Variants in FIBP observed in about 807,000 individuals in gnomAD.
FIBP encodes FGF1 intracellular binding protein.
In FIBP, 29 loss-of-function variants were observed where a neutral mutation model predicts 40.5. The ratio of observed to expected loss-of-function variants is 0.72; its 90% confidence interval spans 0.53 to 0.98. The LOEUF is 0.98. FIBP is among the 50% of genes least tolerant of loss of function. FIBP has a pLI of 0.00. For synonymous variants in FIBP, 215 were observed against 191.1 expected, an observed-to-expected ratio of 1.13 and a Z score of -1.03; for missense variants, 411 against 470.2, an observed-to-expected ratio of 0.87 and a Z score of 1.16.
At chr11:65,886,587 A>G (rs1226426882) in intron 3 of FIBP, 165 bp from the exon 4 acceptor site, 6 of 576,548 alleles carry the variant, frequency 1.0e-5, no homozygotes, top group African/African-American at 1.9e-5. Context: ...AGTTATTAGT[A>G]CTTGTTATCA....
Position 65,888,423 on chromosome 11 carries a change from A to T in FIBP, c.-5T>A. ...GATGTCCAGCTCACTGGTCATGGCG[A>T]CGCCCGGGGCCGCAGCGCCCCGAGC... On this transcript the variant is annotated 5_prime_UTR_variant, in exon 1 of 10. Transcript: ENST00000357519. The T allele has an allele frequency of 6.4e-7, 1 of 1,561,626 alleles. No individual in the cohort carries two copies. The highest frequency in any genetic ancestry group is 8.7e-7 in the Non-Finnish European group (1 of 1,152,760).
At position 65,888,454 on chromosome 11, in the gene FIBP, C is replaced by A. The variant is rs763620358; in HGVS notation, c.-36G>T. 1.3e-5 allele frequency: 20 copies of A among 1,502,724 alleles called. No homozygotes were observed. The Admixed American group carries it at 3.7e-4, about 28-fold the overall frequency. 93.1% of individuals were successfully genotyped at this position (1,502,724 alleles called of 1,614,324 possible). On this transcript the variant is annotated 5_prime_UTR_variant, in exon 1 of 10. Transcript: ENST00000357519. ...GGGGCCGCAGCGCCCCGAGCAGGAG[C>A]GAGCACTGCTCGGGACTGGCGCGCC...
At position 65,888,076 on chromosome 11, in the gene FIBP, T is replaced by G. The variant is rs1007774881; in HGVS notation, c.142A>C (p.Thr48Pro). Residue 48 changes from threonine (T) to proline (P), a missense_variant, in exon 2 of 10, where the codon ACG becomes CCG. Coordinates refer to ENST00000357519, the MANE Select transcript of FIBP (RefSeq NM_004214.5). ...GTGTCGCTCTGCAGCACCGCTGCCG[T>G]GGCGCCAGTCTGCTCCAGGATTCCC... Reference protein sequence around the residue: ...RSGILEQTGATAAVLQSDTMD... With the variant: ...RSGILEQTGAPAAVLQSDTMD... 1 of 1,606,448 alleles carries G rather than the reference T, an allele frequency of 6.2e-7. No individual in the cohort carries two copies. The highest frequency in any genetic ancestry group is 1.3e-5 in the African/African-American group (1 of 74,862).
At position 65,884,412 on chromosome 11, in the gene FIBP, GACA is replaced by G. The variant is rs1860172968; in HGVS notation, c.981_983del (p.Val328del). 1.2e-6 allele frequency: 2 copies of G among 1,614,114 alleles called. No homozygotes were observed. Among genetic ancestry groups the G allele is most frequent in the Non-Finnish European group, 1.7e-6 (2 of 1,179,994 alleles). On this transcript the variant is annotated inframe_deletion, in exon 9 of 10. Transcript: ENST00000357519. ...CTCACCGGAAGCCATCGAGGGAGTGGACAGACGCTGAATACTGATTCAGGAAGA... is the reference window on the plus strand; with the variant it reads ...CTCACCGGAAGCCATCGAGGGAGTGGGACGCTGAATACTGATTCAGGAAGA...
Position 65,884,293 on chromosome 11 carries a change from G to A in FIBP, c.1004+99C>T, listed in dbSNP as rs576180623. 152 of 1,128,262 alleles carry A rather than the reference G, an allele frequency of 1.3e-4. No homozygotes were observed. The South Asian group carries it at 1.9e-3, about 14-fold the overall frequency. 69.9% of individuals were successfully genotyped at this position (1,128,262 alleles called of 1,614,324 possible). On this transcript the variant is annotated intron_variant, in intron 9 of 9. Coordinates refer to ENST00000357519, the MANE Select transcript of FIBP (RefSeq NM_004214.5). The stretch of plus-strand genomic sequence containing the variant: ...CCAGAGACTTTGGTCCCACCCCCAG[G>A]GTAGCAGAATGGGGAACCTTGAGTC...
chr11:65,886,944 A>G (rs1860252313), intron 3 of FIBP: 1 of 169,390 alleles, frequency 5.9e-6, no homozygotes, highest in African/African-American at 2.4e-5. Flanking sequence ...TAGAAGCAAC[A>G]TGAGTAAAGG....
intron 4 of FIBP, 86 bp from the exon 5 acceptor site, chr11:65,885,749 GA>G (rs1373036586): frequency 7.4e-7 from 1 of 1,354,424 alleles, no homozygotes; most frequent in Non-Finnish European, 1.0e-6. Flanking sequence ...CTGGGTGTCC[GA>G]GTTCTGGCCT....
At chr11:65,885,749 G>A (rs923967753) in intron 4 of FIBP, 86 bp from the exon 5 acceptor site, 121 of 1,354,420 alleles carry the variant, frequency 8.9e-5, no homozygotes, top group Non-Finnish European at 1.2e-4. Context: ...CTGGGTGTCC[G>A]AGTTCTGGCC....
rs1860267674 is a variant in FIBP at position 65,887,496 on chromosome 11, G to A, written c.411+104C>T. On this transcript the variant is annotated intron_variant, in intron 3 of 9. Transcript: ENST00000357519. ...AAAGGGGAAGGGAGGAGAAGACTAGGTATGAAGCTGCTGCCACAATCAGAG... is the reference window on the plus strand; with the variant it reads ...AAAGGGGAAGGGAGGAGAAGACTAGATATGAAGCTGCTGCCACAATCAGAG... 7.4e-6 allele frequency: 9 copies of A among 1,215,334 alleles called. No individual in the cohort carries two copies. The East Asian group carries it at 1.9e-4, about 25-fold the overall frequency. 75.3% of individuals were successfully genotyped at this position (1,215,334 alleles called of 1,614,324 possible).
intron 4 of FIBP, 131 bp downstream of exon 4, chr11:65,886,188 AAAG>A: frequency 1.9e-6 from 1 of 536,186 alleles, no homozygotes. Context: ...AAAAAAAAAA[AAAG>A]TACAGACCAA....
Position 65,883,868 on chromosome 11 carries a change from G to T in FIBP, c.*106C>A, listed in dbSNP as rs2134768580. Reference sequence around the variant, plus strand: ...CACGGACACCAGGTGCTCAGAGACAGACACAGGCACATCTGCACGCCCCCC... The same window carrying T: ...CACGGACACCAGGTGCTCAGAGACATACACAGGCACATCTGCACGCCCCCC... On this transcript the variant is annotated 3_prime_UTR_variant, in exon 10 of 10. Coordinates refer to ENST00000357519, the MANE Select transcript of FIBP (RefSeq NM_004214.5). 1 of 995,598 alleles carries T rather than the reference G, an allele frequency of 1.0e-6. No individual in the cohort carries two copies. Among genetic ancestry groups the T allele is most frequent in the South Asian group, 1.5e-5 (1 of 68,202 alleles). The allele number at this position is 995,598 out of a possible 1,614,324, so 61.7% of individuals were successfully genotyped here. A position where few individuals can be genotyped will look rare whatever the true frequency, so the allele number is the denominator to read the frequency against.
At position 65,884,660 on chromosome 11, in the gene FIBP, T is replaced by C. The variant is rs752146317; in HGVS notation, c.820-4A>G. 2 of 1,613,986 alleles carry C rather than the reference T, an allele frequency of 1.2e-6. No homozygotes were observed. The highest frequency in any genetic ancestry group is 8.5e-7 in the Non-Finnish European group (1 of 1,179,970). On this transcript the variant is annotated splice_region_variant and splice_polypyrimidine_tract_variant and intron_variant, in intron 7 of 9. Coordinates refer to ENST00000357519, the MANE Select transcript of FIBP (RefSeq NM_004214.5). The stretch of plus-strand genomic sequence containing the variant: ...TCACCAGCCCCCGGGACAGGTTCTG[T>C]GGGGCAGGGATCCTTGGAGCTCTGC...
intron 5 of FIBP, 94 bp downstream of exon 5, chr11:65,885,436 C>T: frequency 6.7e-7 from 1 of 1,491,304 alleles, no homozygotes; most frequent in Non-Finnish European, 9.1e-7. Flanking sequence ...GAGCGGATGC[C>T]AGGAACTGAG....
rs1474488376 is a variant in FIBP, at chr11:65,887,895, A to G, written c.284+39T>C. ...CAGCCGGCAAAATGGGTATACAGTCAGACTGGTTGATGTCTCCACCATCCC... is the reference window on the plus strand; with the variant it reads ...CAGCCGGCAAAATGGGTATACAGTCGGACTGGTTGATGTCTCCACCATCCC... On this transcript the variant is annotated intron_variant, in intron 2 of 9. Coordinates refer to ENST00000357519, the MANE Select transcript of FIBP (RefSeq NM_004214.5). 3 of 1,603,258 alleles carry G rather than the reference A, an allele frequency of 1.9e-6. No homozygotes were observed. The African/African-American group carries it at 4.0e-5, about 21-fold the overall frequency.
At chr11:65,887,523 C>A in intron 3 of FIBP, 77 bp downstream of exon 3, 1 of 1,497,764 alleles carries the variant, frequency 6.7e-7, no homozygotes, top group South Asian at 1.1e-5. Flanking sequence ...CAATCAGAGG[C>A]TGGAACTGGG....
At chr11:65,887,892 G>A (rs1860281648) in intron 2 of FIBP, 42 bp downstream of exon 2, 2 of 1,601,580 alleles carry the variant, frequency 1.2e-6, no homozygotes, top group African/African-American at 1.3e-5. Flanking sequence ...TGGGTATACA[G>A]TCAGACTGGT....
In FIBP at chr11:65,887,709, T is replaced by G; in HGVS notation, c.302A>C (p.Glu101Ala). 6.2e-7 allele frequency: 1 copy of G among 1,614,142 alleles called. No individual in the cohort carries two copies. Among genetic ancestry groups the G allele is most frequent in the African/African-American group, 1.3e-5 (1 of 75,032 alleles). Residue 101 changes from glutamate to alanine, a missense_variant, in exon 3 of 10, where the codon GAG (glutamate) becomes GCG (alanine). By Grantham distance (107) the Glu-to-Ala change is moderately radical. Transcript: ENST00000357519. ...LLIERYYAFD[E>A]AFVREVLGKK... ...GCCCAGCACCTCCCGAACAAAGGCC[T>G]CATCAAAGGCATAGTACCTTGTGGA...
chr11:65,886,191 G>A (rs1475866844), intron 4 of FIBP, 131 bp downstream of exon 4: 150 of 376,990 alleles, frequency 4.0e-4, no homozygotes, highest in South Asian at 1.8e-3. Context: ...AAAAAAAAAA[G>A]TACAGACCAA....
rs759674858 is a variant in FIBP, at chr11:65,884,448, G to A, written c.948C>T (p.Asp316=). The A allele has an allele frequency of 3.0e-5, 48 of 1,614,050 alleles. No homozygotes were observed. The highest frequency in any genetic ancestry group is 4.5e-5 in the East Asian group (2 of 44,900). ...PCRSDHWPLS[D]VRFFLNQYSA... is the part of the protein sequence containing the mutation. ...AATACTGATTCAGGAAGAACCGCAC[G>A]TCGCTGAGTGGCCAGTGGTCGGAGC... The change falls in exon 9 of 10, where the codon GAC becomes GAT. Residue 316 remains aspartate (D), a synonymous_variant. Coordinates refer to ENST00000357519, the MANE Select transcript of FIBP (RefSeq NM_004214.5).
Sources: gnomAD v4.1 joint callset for allele counts on GRCh38, gnomAD v4.1.1 for gene constraint, MANE v1.5 for transcripts, NCBI Gene and HGNC (gene_info 2026-07-23, HGNC 2026-07-21) for gene names.